Variants in GLIS3 observed in about 807,000 individuals in gnomAD.
GLIS3 encodes the protein GLIS family zinc finger 3, also known as zinc finger protein GLIS3.
A neutral mutation model predicts 78.6 loss-of-function variants in GLIS3; 53 were observed. The ratio of observed to expected loss-of-function variants is 0.67; its 90% CI spans 0.54 to 0.85. GLIS3 has a LOEUF of 0.85. Among genes scored for constraint, GLIS3 ranks in the 40% least tolerant of loss-of-function variants. The pLI, the probability that GLIS3 is intolerant of heterozygous loss-of-function variation, is 0.00. For synonymous variants in GLIS3, 684 were observed against 509.9 expected (o/e 1.34, Z -4.60); for missense variants, 1,703 against 1,231.1 (o/e 1.38, Z -5.74).
intron 2 of GLIS3, among the ~76,000 whole-genome samples, chr9:4,177,155 CAAAACAA>C (rs1816883235): frequency 1.1e-5 from 1 of 91,864 alleles, no homozygotes; most frequent in Admixed American, 9.8e-5. Context: ...CAAAACAAAA[CAAAACAA>C]AACAAAACAA....
At chr9:3,842,451 G>T (rs1818781332) in intron 9 of GLIS3, among the ~76,000 whole-genome samples, 1 of 152,162 alleles carries the variant, frequency 6.6e-6, no homozygotes, top group African/African-American at 2.4e-5. Flanking sequence ...TAGCCTGGGG[G>T]TCAAAGCAAG....
the GLIS3 span, among the ~76,000 whole-genome samples, chr9:4,402,829 T>A: frequency 2.0e-5 from 3 of 151,960 alleles, no homozygotes; most frequent in Non-Finnish European, 4.4e-5. Context: ...ATCTAGAAAA[T>A]AGTCTCACAA....
At chr9:4,435,781 C>G in the GLIS3 span, among the ~76,000 whole-genome samples, 52 of 152,180 alleles carry the variant, frequency 3.4e-4, no homozygotes, top group Non-Finnish European at 5.9e-4. Flanking sequence ...AACCCTATCT[C>G]TACTAAAAAT....
intron 2 of GLIS3, among the ~76,000 whole-genome samples, chr9:4,216,488 A>AAAAG (rs1554623343): frequency 3.4e-4 from 52 of 151,012 alleles, no homozygotes; most frequent in African/African-American, 1.2e-3. Context: ...TCAAAAAAAA[A>AAAAG]AAAAGAAAAG....
chr9:3,826,505 G>A lies in GLIS3; in HGVS notation c.*1767C>T, dbSNP rs1317968452. 6.6e-6 allele frequency: 1 copy of A among 152,194 alleles called. No individual in the cohort carries two copies. Among genetic ancestry groups the A allele is most frequent in the East Asian group, 1.9e-4 (1 of 5,194 alleles). The allele number at this position is 152,194 out of a possible 1,614,324, so 9.4% of individuals were successfully genotyped here. ...CTAACTCATCTCTTTTGCAGACTTT[G>A]ACGTCTACGTGAAAGCTTTTCTTAG... is the stretch of plus-strand genomic sequence containing the variant. On this transcript the variant is annotated 3_prime_UTR_variant, in exon 11 of 11. Transcript: ENST00000381971.
intron 6 of GLIS3, among the ~76,000 whole-genome samples, chr9:3,907,493 C>G (rs1033377285): frequency 3.9e-5 from 6 of 152,076 alleles, no homozygotes; most frequent in African/African-American, 1.4e-4. Context: ...CCCCACCCAG[C>G]GCCCCTCTGA....
chr9:3,984,601 G>T (rs563884741), intron 4 of GLIS3, among the ~76,000 whole-genome samples: 3 of 152,170 alleles, frequency 2.0e-5, no homozygotes, highest in Non-Finnish European at 4.4e-5. Flanking sequence ...TGAGACTTTA[G>T]ACTGTAGACT....
At chr9:3,878,395 G>A (rs1007762150) in intron 8 of GLIS3, among the ~76,000 whole-genome samples, 1 of 152,066 alleles carries the variant, frequency 6.6e-6, no homozygotes, top group Admixed American at 6.5e-5. Flanking sequence ...GTATTCAACG[G>A]ACATTCATTA....
chr9:4,465,099 CA>C, the GLIS3 span, among the ~76,000 whole-genome samples: 1 of 152,254 alleles, frequency 6.6e-6, no homozygotes, highest in Non-Finnish European at 1.5e-5. Context: ...CCAGAATCAA[CA>C]TTTCCCTCTC....
rs74917747 is a variant in GLIS3 at position 4,015,416 on chromosome 9, A to G, written c.1711-78227T>C. On this transcript the variant is annotated intron_variant, in intron 4 of 10. Coordinates refer to ENST00000381971, the MANE Select transcript of GLIS3 (RefSeq NM_001042413.2). ...CCTGTAAAATATTTACAGTCTAAAA[A>G]AGACAGAGGAAACTCTCATTTGCAG... 5.9e-3 allele frequency among the ~76,000 whole-genome samples: 902 copies of G among 152,334 alleles called. 13 individuals carry two copies. The highest frequency in any genetic ancestry group is 0.038 in the East Asian group (197 of 5,190).
chr9:4,186,763 T>C (rs988181911), intron 2 of GLIS3, among the ~76,000 whole-genome samples: 1 of 152,230 alleles, frequency 6.6e-6, no homozygotes, highest in Non-Finnish European at 1.5e-5. Context: ...TGATGAGCTT[T>C]TTTTCATGTG....
At chr9:4,439,209 A>T in the GLIS3 span, among the ~76,000 whole-genome samples, 5 of 151,994 alleles carry the variant, frequency 3.3e-5, no homozygotes, top group African/African-American at 7.3e-5. Flanking sequence ...AAAAGCCATA[A>T]TTTTTTCTAT....
At chr9:4,382,107 C>G in the GLIS3 span, among the ~76,000 whole-genome samples, 1 of 152,206 alleles carries the variant, frequency 6.6e-6, no homozygotes, top group African/African-American at 2.4e-5. Flanking sequence ...CTTTAGCTCC[C>G]TTGCTTATCT....
chr9:4,294,994 A>C (rs1816355424), intron 1 of GLIS3, among the ~76,000 whole-genome samples: 2 of 152,342 alleles, frequency 1.3e-5, no homozygotes, highest in South Asian at 4.1e-4. Flanking sequence ...TTATGGAACC[A>C]GTTTAATTAC....
At chr9:4,316,939 T>C (rs1186399361) in intron 2 of GLIS3, among the ~76,000 whole-genome samples, 1 of 137,514 alleles carries the variant, frequency 7.3e-6, no homozygotes, top group Non-Finnish European at 1.5e-5. Flanking sequence ...CCATTAGCCG[T>C]TGGTAAAATT....
intron 4 of GLIS3, among the ~76,000 whole-genome samples, chr9:4,085,177 C>G (rs777388726): frequency 6.6e-6 from 1 of 152,126 alleles, no homozygotes; most frequent in Non-Finnish European, 1.5e-5. Context: ...CTAAGGAACA[C>G]TCCTTGCTCA....
At chr9:4,092,178 G>C (rs1013128322) in intron 4 of GLIS3, among the ~76,000 whole-genome samples, 3 of 140,810 alleles carry the variant, frequency 2.1e-5, no homozygotes, top group African/African-American at 7.9e-5. Context: ...TTGAGACAGA[G>C]TCTCGCTCTG....
chr9:3,900,152 C>T lies in GLIS3; in HGVS notation c.1984-1317G>A, dbSNP rs12338467. ...TGGGGAGGTGGAAATGGGAAGGAGACGTTGGATAAAGCCTTGACTTGAACA... is the reference window on the plus strand; with the variant it reads ...TGGGGAGGTGGAAATGGGAAGGAGATGTTGGATAAAGCCTTGACTTGAACA... On this transcript the variant is annotated intron_variant, in intron 6 of 10. Transcript: ENST00000381971. Among the ~76,000 whole-genome samples, 667 of 140,160 alleles carry T rather than the reference C, an allele frequency of 4.8e-3. 6 individuals are homozygous for T. Among genetic ancestry groups the T allele is most frequent in the African/African-American group, 0.017 (623 of 37,248 alleles). 92.0% of individuals were successfully genotyped at this position (140,160 alleles called of 152,430 possible).
intron 2 of GLIS3, among the ~76,000 whole-genome samples, chr9:4,257,314 A>T (rs76302412): frequency 6.6e-6 from 1 of 152,146 alleles, no homozygotes; most frequent in South Asian, 2.1e-4. Context: ...ATAGAAGCAG[A>T]GAGTAGATGA....
Sources: gnomAD v4.1 joint callset for allele counts (sites outside exome capture counted in the v4.1 genomes callset) on GRCh38, gnomAD v4.1.1 for gene constraint, MANE v1.5 for transcripts, NCBI Gene and HGNC (gene_info 2026-07-23, HGNC 2026-07-21) for gene names.